Variants in PACSIN2 observed in about 807,000 individuals in gnomAD.
The protein encoded by PACSIN2 is protein kinase C and casein kinase substrate in neurons protein 2.
Under a neutral mutation model 63.8 loss-of-function variants are expected in PACSIN2, and 25 were observed. The ratio of observed to expected loss-of-function variants is 0.39; its 90% confidence interval spans 0.29 to 0.55. The LOEUF (loss-of-function observed/expected upper bound fraction) is 0.55. PACSIN2 is among the 20% of genes least tolerant of loss of function. The pLI, the probability that PACSIN2 is intolerant of heterozygous loss-of-function variation, is 0.62. For synonymous variants in PACSIN2, 255 were observed against 256.2 expected (o/e 1.00, Z 0.05); for missense variants, 518 against 646.9 (o/e 0.80, Z 2.16).
At chr22:42,920,360 G>T (rs754746259) in intron 1 of PACSIN2, among the ~76,000 whole-genome samples, 4 of 152,190 alleles carry the variant, frequency 2.6e-5, no homozygotes, top group Non-Finnish European at 4.4e-5. Flanking sequence ...TTTTAGAATG[G>T]GGTGGTGTGT....
intron 1 of PACSIN2, among the ~76,000 whole-genome samples, 182 bp downstream of exon 1, chr22:43,014,839 G>A (rs1436096433): frequency 1.3e-4 from 17 of 131,698 alleles, no homozygotes; most frequent in African/African-American, 4.9e-4. Context: ...CCGGGGCCCC[G>A]AGCACTCGCC....
chr22:42,997,177 A>T lies in PACSIN2; in HGVS notation c.-78+17844T>A, dbSNP rs114215350. Among the ~76,000 whole-genome samples the T allele has an allele frequency of 5.0e-3, 768 of 152,296 alleles. 5 individuals are homozygous for T. The highest frequency in any genetic ancestry group is 0.018 in the African/African-American group (735 of 41,562). Reference sequence around the variant, plus strand: ...CTGCCTCCTCTGACCAGAATGTAAGATCATGGACTACGTTGTTCCTGTTGT... The same window carrying T: ...CTGCCTCCTCTGACCAGAATGTAAGTTCATGGACTACGTTGTTCCTGTTGT... On this transcript the variant is annotated intron_variant, in intron 1 of 10. Transcript: ENST00000263246.
chr22:42,933,006 C>G (rs1370833345), intron 1 of PACSIN2, among the ~76,000 whole-genome samples: 1 of 152,226 alleles, frequency 6.6e-6, no homozygotes, highest in Non-Finnish European at 1.5e-5. Context: ...TTTAAATTCT[C>G]AAGTATCAAG....
At position 42,971,896 on chromosome 22, in the gene PACSIN2, C is replaced by G. The variant is rs1365403617; in HGVS notation, c.-78+43125G>C. 2.1e-5 allele frequency among the ~76,000 whole-genome samples: 3 copies of G among 145,894 alleles called. No individual in the cohort carries two copies. The East Asian group carries it at 6.0e-4, about 29-fold the overall frequency. ...GCAGCCCCGTTCGGGAGGTGGGGGGCAGCCTCCACCCGGCCGCCGCCCCGT... is the reference window on the plus strand; with the variant it reads ...GCAGCCCCGTTCGGGAGGTGGGGGGGAGCCTCCACCCGGCCGCCGCCCCGT... On this transcript the variant is annotated intron_variant, in intron 1 of 10. Coordinates refer to ENST00000263246, the MANE Select transcript of PACSIN2 (RefSeq NM_001184970.3).
rs545073837 is a variant in PACSIN2 at position 43,001,042 on chromosome 22, A to T, written c.-78+13979T>A. ...AGCCCTTGGGCCCCGTCCGACCTCA[A>T]ATAAAACTTAGGCCAAGGGCTGCTA... is the stretch of plus-strand genomic sequence containing the variant. On this transcript the variant is annotated intron_variant, in intron 1 of 10. Coordinates refer to ENST00000263246, the MANE Select transcript of PACSIN2 (RefSeq NM_001184970.3). Among the ~76,000 whole-genome samples, 3 of 152,352 alleles carry T rather than the reference A, an allele frequency of 2.0e-5. No homozygotes were observed. The South Asian group carries it at 6.2e-4, about 32-fold the overall frequency.
chr22:42,996,467 G>A (rs1014560485), intron 1 of PACSIN2, among the ~76,000 whole-genome samples: 5 of 149,794 alleles, frequency 3.3e-5, no homozygotes, highest in African/African-American at 5.0e-5. Flanking sequence ...AGGCAGCAAA[G>A]GTTGCAGTGA....
intron 1 of PACSIN2, among the ~76,000 whole-genome samples, chr22:42,978,127 T>C (rs1441199602): frequency 3.3e-5 from 5 of 152,204 alleles, no homozygotes; most frequent in Admixed American, 6.5e-5. Flanking sequence ...ACCTACAACC[T>C]GCCATGCACT....
chr22:42,913,433 C>T (rs1242968682), intron 1 of PACSIN2, among the ~76,000 whole-genome samples: 4 of 143,808 alleles, frequency 2.8e-5, no homozygotes, highest in African/African-American at 2.6e-5. Flanking sequence ...CAGCCAAGAT[C>T]GTGCCATTGC....
chr22:42,928,402 G>A (rs1230395732), intron 1 of PACSIN2, among the ~76,000 whole-genome samples: 1 of 152,238 alleles, frequency 6.6e-6, no homozygotes, highest in Non-Finnish European at 1.5e-5. Context: ...GACTTCAGTT[G>A]CTGTGGAGGC....
At chr22:42,968,338 G>C (rs1328672879) in intron 1 of PACSIN2, among the ~76,000 whole-genome samples, 1 of 152,172 alleles carries the variant, frequency 6.6e-6, no homozygotes, top group South Asian at 2.1e-4. Context: ...AAACCAGGAA[G>C]GGTATAAATA....
intron 1 of PACSIN2, among the ~76,000 whole-genome samples, chr22:42,970,428 T>C (rs1331749509): frequency 6.6e-6 from 1 of 152,212 alleles, no homozygotes; most frequent in Admixed American, 6.5e-5. Context: ...AGAAAGTCCA[T>C]AGTTTATTCA....
intron 1 of PACSIN2, among the ~76,000 whole-genome samples, chr22:42,925,083 A>G (rs1028420837): frequency 6.7e-6 from 1 of 148,568 alleles, no homozygotes; most frequent in African/African-American, 2.5e-5. Flanking sequence ...GCCCCCTCAG[A>G]CCCCCTCCCT....
At chr22:42,879,642 G>C (rs58897811) in intron 7 of PACSIN2, among the ~76,000 whole-genome samples, 3,686 of 152,276 alleles carry the variant, frequency 0.024, 145 homozygotes, top group African/African-American at 0.085. Flanking sequence ...CTGAAGTGCT[G>C]AAGATCCTTT....
Position 43,015,132 on chromosome 22 carries a change from A to C in PACSIN2, c.-189T>G, listed in dbSNP as rs1427115880. 1.3e-5 allele frequency: 2 copies of C among 149,284 alleles called. No individual in the cohort carries two copies. The highest frequency in any genetic ancestry group is 3.0e-5 in the Non-Finnish European group (2 of 67,748). 9.2% of individuals were successfully genotyped at this position (149,284 alleles called of 1,614,324 possible). A position where few individuals can be genotyped will look rare whatever the true frequency, so the allele number is the denominator to read the frequency against. On this transcript the variant is annotated 5_prime_UTR_variant, in exon 1 of 11. Coordinates refer to ENST00000263246, the MANE Select transcript of PACSIN2 (RefSeq NM_001184970.3). ...GGCAGCACTGCCCAGCCCTGCCCAG[A>C]CCCCTGCGGCCGCTTCTGCCGCCAG...
chr22:42,926,281 A>T (rs1932528933), intron 1 of PACSIN2, among the ~76,000 whole-genome samples: 1 of 152,188 alleles, frequency 6.6e-6, no homozygotes, highest in South Asian at 2.1e-4. Flanking sequence ...AGGGAATCAC[A>T]CTGAGGCCTA....
At chr22:42,920,790 A>C (rs1365411830) in intron 1 of PACSIN2, among the ~76,000 whole-genome samples, 18 of 128,192 alleles carry the variant, frequency 1.4e-4, no homozygotes, top group Admixed American at 5.4e-4. Flanking sequence ...ATGAATTATC[A>C]CACTTTTTTT....
intron 1 of PACSIN2, among the ~76,000 whole-genome samples, chr22:42,934,466 G>A (rs181143261): frequency 5.1e-4 from 77 of 152,282 alleles, no homozygotes; most frequent in African/African-American, 1.4e-3. Context: ...CTTTCAATGT[G>A]GCAGCTGCAC....
intron 1 of PACSIN2, among the ~76,000 whole-genome samples, chr22:42,952,034 C>G (rs1021322511): frequency 6.6e-6 from 1 of 152,212 alleles, no homozygotes; most frequent in Admixed American, 6.5e-5. Flanking sequence ...CTTAAGAAAG[C>G]CTTCCCCCAG....
intron 1 of PACSIN2, among the ~76,000 whole-genome samples, chr22:42,939,172 C>T (rs1408185070): frequency 1.3e-5 from 2 of 152,186 alleles, no homozygotes; most frequent in Non-Finnish European, 2.9e-5. Context: ...GTCCCCAAAA[C>T]TCGTTTATCT....
Sources: allele counts gnomAD v4.1 joint callset (sites outside exome capture counted in the v4.1 genomes callset), GRCh38; gene constraint gnomAD v4.1.1; transcripts MANE v1.5; gene names NCBI Gene and HGNC (gene_info 2026-07-23, HGNC 2026-07-21).